Variants in SLC24A3 observed in about 807,000 individuals in gnomAD.
The protein encoded by SLC24A3 is solute carrier family 24 member 3.
A neutral mutation model predicts 75.8 loss-of-function variants in SLC24A3; 28 were observed. The observed-to-expected ratio is 0.37, with a 90% CI of 0.27 to 0.51. The LOEUF is 0.51. Among genes scored for constraint, SLC24A3 ranks in the 20% least tolerant of loss-of-function variants. The pLI, the probability that SLC24A3 is intolerant of heterozygous loss-of-function variation, is 0.94. For missense variants in SLC24A3, 663 were observed against 847.8 expected (o/e 0.78, Z 2.71); for synonymous variants, 372 against 334.1 (o/e 1.11, Z -1.24).
chr20:19,609,613 G>A (rs938747517), intron 6 of SLC24A3, among the ~76,000 whole-genome samples: 1 of 151,800 alleles, frequency 6.6e-6, no homozygotes, highest in African/African-American at 2.4e-5. Flanking sequence ...TCCCCTCCCT[G>A]TGTCCATGTG....
intron 3 of SLC24A3, among the ~76,000 whole-genome samples, chr20:19,541,422 G>T (rs2030495443): frequency 6.6e-6 from 1 of 152,166 alleles, no homozygotes; most frequent in Non-Finnish European, 1.5e-5. Flanking sequence ...CCCTTTTGTT[G>T]CCTCCTGCAA....
At chr20:19,628,865 GAGA>G (rs943969010) in intron 6 of SLC24A3, among the ~76,000 whole-genome samples, 23 of 152,280 alleles carry the variant, frequency 1.5e-4, no homozygotes, top group Middle Eastern at 3.4e-3. Context: ...GGGCTAATTG[GAGA>G]AGATGTTCCC....
In SLC24A3 at chr20:19,703,614, C is replaced by T. The variant is rs1040458941; in HGVS notation, c.1719+4934C>T. On this transcript the variant is annotated intron_variant, in intron 15 of 16. Transcript: ENST00000328041. Reference sequence around the variant, plus strand: ...AAAGTTAAGTTAGATCTCATATCCTCTAGGATAAGCATCAAGTGTATGATC... The same window carrying T: ...AAAGTTAAGTTAGATCTCATATCCTTTAGGATAAGCATCAAGTGTATGATC... Among the ~76,000 whole-genome samples, 14 of 152,260 alleles carry T rather than the reference C, an allele frequency of 9.2e-5. 1 individual carries two copies. Among genetic ancestry groups the T allele is most frequent in the South Asian group, 2.1e-4 (1 of 4,822 alleles).
intron 2 of SLC24A3, among the ~76,000 whole-genome samples, chr20:19,465,729 G>A (rs901583168): frequency 6.6e-6 from 1 of 152,150 alleles, no homozygotes; most frequent in Non-Finnish European, 1.5e-5. Flanking sequence ...TACAGGCAAA[G>A]TAGCTGCCCA....
chr20:19,714,691 A>C (rs2033026093), intron 15 of SLC24A3, among the ~76,000 whole-genome samples: 1 of 152,210 alleles, frequency 6.6e-6, no homozygotes, highest in South Asian at 2.1e-4. Flanking sequence ...AAAAGGTGAG[A>C]AGTTAAAAAC....
chr20:19,446,728 AG>A (rs1413821222), intron 2 of SLC24A3, among the ~76,000 whole-genome samples: 2 of 152,234 alleles, frequency 1.3e-5, no homozygotes, highest in Non-Finnish European at 2.9e-5. Context: ...ACAAGTCTGT[AG>A]ACTTCTCCAA....
intron 2 of SLC24A3, among the ~76,000 whole-genome samples, chr20:19,474,051 T>G (rs1987920244): frequency 6.6e-6 from 1 of 152,252 alleles, no homozygotes; most frequent in Non-Finnish European, 1.5e-5. Context: ...GATGTTCTAC[T>G]TGTCTTACTC....
At chr20:19,633,635 C>A (rs941507390) in intron 6 of SLC24A3, among the ~76,000 whole-genome samples, 2 of 114,294 alleles carry the variant, frequency 1.7e-5, no homozygotes, top group African/African-American at 3.4e-5. Context: ...GGCGACAGAG[C>A]GAGACTCCGT....
intron 1 of SLC24A3, chr20:19,213,222 C>T: frequency 3.2e-6 from 1 of 309,198 alleles, no homozygotes; most frequent in Non-Finnish European, 5.7e-6. Context: ...GCCCTGGGAA[C>T]ATTTACCTGT....
chr20:19,635,930 G>C (rs2031995736), intron 6 of SLC24A3, among the ~76,000 whole-genome samples: 1 of 152,140 alleles, frequency 6.6e-6, no homozygotes, highest in Non-Finnish European at 1.5e-5. Flanking sequence ...CACAAGGTCA[G>C]GAGATCGAGA....
intron 3 of SLC24A3, among the ~76,000 whole-genome samples, chr20:19,520,432 C>T (rs1244073360): frequency 6.6e-6 from 1 of 152,150 alleles, no homozygotes; most frequent in Non-Finnish European, 1.5e-5. Flanking sequence ...TGGCCATCTG[C>T]CTTAGGCCCC....
chr20:19,684,450 G>A lies in SLC24A3; in HGVS notation c.1062+114G>A, dbSNP rs2032649906. 19 of 1,194,470 alleles carry A rather than the reference G, an allele frequency of 1.6e-5. No homozygotes were observed. The South Asian group carries it at 3.1e-4, about 19-fold the overall frequency. The allele number at this position is 1,194,470 out of a possible 1,614,324, so 74.0% of individuals were successfully genotyped here. On this transcript the variant is annotated intron_variant, in intron 11 of 16. Coordinates refer to ENST00000328041, the MANE Select transcript of SLC24A3 (RefSeq NM_020689.4). ...ACCTAACTCAAAGTTTAACACCGCA[G>A]CATCCCTCAGCCATTTCCTAATCTT...
At chr20:19,270,053 G>A (rs1296020577) in intron 1 of SLC24A3, among the ~76,000 whole-genome samples, 1 of 152,176 alleles carries the variant, frequency 6.6e-6, no homozygotes, top group Non-Finnish European at 1.5e-5. Context: ...TGTCCAGCCT[G>A]ATTGGGAGTC....
chr20:19,317,568 C>T (rs1984614052), intron 2 of SLC24A3, among the ~76,000 whole-genome samples: 1 of 152,210 alleles, frequency 6.6e-6, no homozygotes, highest in Admixed American at 6.5e-5. Context: ...ACTCCTGTGA[C>T]CCCAAAGGGT....
chr20:19,382,890 C>T (rs6035316), intron 2 of SLC24A3, among the ~76,000 whole-genome samples: 20,057 of 152,034 alleles, frequency 0.13, 2,026 homozygotes, highest in East Asian at 0.32. Context: ...CATGTCTCTA[C>T]GGCAAAGCCT....
rs1055420480 is a variant in SLC24A3, at chr20:19,630,751, G to A, written c.613-23311G>A. On this transcript the variant is annotated intron_variant, in intron 6 of 16. Transcript: ENST00000328041. ...CATTTAATCCAAAAGGATTTTTAAA[G>A]TGTCTATACTGGAAAAGACTACAAT... 4.6e-5 allele frequency among the ~76,000 whole-genome samples: 7 copies of A among 152,048 alleles called. No individual in the cohort carries two copies. In the South Asian group the frequency reaches 8.3e-4, roughly 18 times the overall value.
intron 15 of SLC24A3, among the ~76,000 whole-genome samples, chr20:19,708,453 G>A (rs1326289625): frequency 1.3e-5 from 2 of 152,134 alleles, no homozygotes; most frequent in East Asian, 3.9e-4. Flanking sequence ...CCAGCACCAG[G>A]ACACTGCTCC....
At chr20:19,720,333 G>A (rs2033090948) in intron 16 of SLC24A3, among the ~76,000 whole-genome samples, 1 of 152,208 alleles carries the variant, frequency 6.6e-6, no homozygotes, top group Non-Finnish European at 1.5e-5. Flanking sequence ...TGGAGGCATT[G>A]AAATCACAGA....
chr20:19,548,099 G>A (rs918792519), intron 3 of SLC24A3, among the ~76,000 whole-genome samples: 2 of 152,210 alleles, frequency 1.3e-5, no homozygotes, highest in Non-Finnish European at 2.9e-5. Flanking sequence ...CATGAAGAAT[G>A]TGGGCCTGGT....
Sources: gnomAD v4.1 joint callset for allele counts (sites outside exome capture counted in the v4.1 genomes callset) on GRCh38, gnomAD v4.1.1 for gene constraint, MANE v1.5 for transcripts, NCBI Gene and HGNC (gene_info 2026-07-23, HGNC 2026-07-21) for gene names.